CCDC42: variants seen among roughly 807,000 people sequenced by gnomAD.
CCDC42 encodes coiled-coil domain containing 42, also known as coiled-coil domain-containing protein 42.
CCDC42 carries 38 observed loss-of-function variants against 40.8 expected under a neutral mutation model. The observed-to-expected ratio is 0.93, with a 90% CI of 0.72 to 1.22. The LOEUF (loss-of-function observed/expected upper bound fraction) is 1.22, where lower values mean the gene tolerates loss of function less well. CCDC42 is among the 50% of genes most tolerant of loss of function. CCDC42 has a pLI of 0.00. For missense variants in CCDC42, 379 were observed against 416.5 expected (o/e 0.91, Z 0.78); for synonymous variants, 135 against 157.5 (o/e 0.86, Z 1.07).
chr17:8,740,602 T>C (rs1194705904), intron 4 of CCDC42, among the ~76,000 whole-genome samples: 1 of 144,456 alleles, frequency 6.9e-6, no homozygotes, highest in Non-Finnish European at 1.5e-5. Context: ...GAAGGAGAGG[T>C]CAGAGGTAGG....
chr17:8,730,396 G>A (rs112414721), intron 6 of CCDC42, among the ~76,000 whole-genome samples, 189 bp from the exon 7 acceptor site: 12,704 of 152,200 alleles, frequency 0.083, 883 homozygotes, highest in East Asian at 0.18. Context: ...GTGGAGTGCA[G>A]TGGCACGATC....
intron 6 of CCDC42, among the ~76,000 whole-genome samples, chr17:8,730,988 G>T (rs1450703083): frequency 6.6e-6 from 1 of 152,188 alleles, no homozygotes; most frequent in African/African-American, 2.4e-5. Context: ...TGTAAATTCT[G>T]TTCACCGCCT....
chr17:8,744,032 A>C (rs1597347409), intron 2 of CCDC42, 47 bp downstream of exon 2: 1,437 of 1,021,368 alleles, frequency 1.4e-3, no homozygotes, highest in Non-Finnish European at 1.9e-3. Context: ...GCCCCAGCCC[A>C]CCCCCTTCCT....
rs772947979 is a variant in CCDC42 at position 8,744,601 on chromosome 17, C to T, written c.9G>A (p.Leu3=). 2.4e-5 allele frequency: 39 copies of T among 1,611,548 alleles called. No individual in the cohort carries two copies. The highest frequency in any genetic ancestry group is 3.1e-5 in the Non-Finnish European group (37 of 1,179,054). The change falls in exon 1 of 7, where the codon CTG becomes CTA. Residue 3 remains leucine, a synonymous_variant. Coordinates refer to ENST00000293845, the MANE Select transcript of CCDC42 (RefSeq NM_144681.3). ...CCAGGTCTTCCTCTTCCATGATGCCCAGACTCATGGTGGCAGTGACCTCAC... is the reference window on the plus strand; with the variant it reads ...CCAGGTCTTCCTCTTCCATGATGCCTAGACTCATGGTGGCAGTGACCTCAC... MS[L]GIMEEEDLAE...
chr17:8,743,732 T>C lies in CCDC42; in HGVS notation c.190-2A>G. On this transcript the variant is annotated splice_acceptor_variant, in intron 2 of 6. Transcript: ENST00000293845. LOFTEE classifies it high-confidence loss of function. ...GGTTTCCATTCTGCGCTGAAACATC[T>C]TTGGGGTGGGGGTGGGAGAGCAGAG... is the stretch of plus-strand genomic sequence containing the variant. 6.3e-7 allele frequency: 1 copy of C among 1,580,638 alleles called. No homozygotes were observed. Among genetic ancestry groups the C allele is most frequent in the South Asian group, 1.1e-5 (1 of 90,390 alleles).
At position 8,730,170 on chromosome 17, in the gene CCDC42, G is replaced by A. The variant is rs756084361; in HGVS notation, c.911C>T (p.Ala304Val). ...QFIQDRSDIW[A>V]EVKKKEQQRV... ...CTGTTGTTCCTTCTTTTTCACCTCT[G>A]CCCAGATGTCCGACCGGTCTTGGAT... The change falls in exon 7 of 7, where the codon GCA becomes GTA. Residue 304 changes from alanine (A) to valine (V), a missense_variant. Coordinates refer to ENST00000293845, the MANE Select transcript of CCDC42 (RefSeq NM_144681.3). 3.1e-6 allele frequency: 5 copies of A among 1,613,842 alleles called. No individual in the cohort carries two copies. The highest frequency in any genetic ancestry group is 4.2e-6 in the Non-Finnish European group (5 of 1,179,896).
In CCDC42 at chr17:8,743,744, G is replaced by T. The variant is rs773352065; in HGVS notation, c.190-14C>A. The T allele has an allele frequency of 4.7e-6, 7 of 1,478,470 alleles. No homozygotes were observed. The highest frequency in any genetic ancestry group is 2.3e-5 in the South Asian group (2 of 88,336). The allele number at this position is 1,478,470 out of a possible 1,614,324, so 91.6% of individuals were successfully genotyped here. ...GCGCTGAAACATCTTTGGGGTGGGGGTGGGAGAGCAGAGAGGTCAGGAGGG... is the reference window on the plus strand; with the variant it reads ...GCGCTGAAACATCTTTGGGGTGGGGTTGGGAGAGCAGAGAGGTCAGGAGGG... On this transcript the variant is annotated splice_polypyrimidine_tract_variant and intron_variant, in intron 2 of 6. Transcript: ENST00000293845.
chr17:8,744,019 A>T (rs7218546), intron 2 of CCDC42, 60 bp downstream of exon 2: 1 of 1,070,636 alleles, frequency 9.3e-7, no homozygotes, highest in Non-Finnish European at 1.4e-6. Flanking sequence ...AGGCTCTCCC[A>T]GAGCCCCAGC....
At chr17:8,744,433 G>A (rs371878874) in intron 1 of CCDC42, 94 bp downstream of exon 1, 1 of 1,051,514 alleles carries the variant, frequency 9.5e-7, no homozygotes, top group Non-Finnish European at 1.5e-6. Flanking sequence ...GGTTACAGGA[G>A]AGGAGGGGAC....
At chr17:8,743,578 C>T (rs763337220) in intron 3 of CCDC42, 48 bp downstream of exon 3, 27 of 1,094,304 alleles carry the variant, frequency 2.5e-5, no homozygotes, top group South Asian at 1.6e-4. Context: ...TGCCCACCTG[C>T]GGACTATGGA....
intron 4 of CCDC42, among the ~76,000 whole-genome samples, chr17:8,736,972 GAAGA>G (rs775474201): frequency 1.2e-4 from 15 of 130,174 alleles, no homozygotes; most frequent in Non-Finnish European, 1.7e-4. Flanking sequence ...AGAAGAAGAA[GAAGA>G]AAGAGAGAGA....
intron 4 of CCDC42, among the ~76,000 whole-genome samples, chr17:8,739,303 C>G (rs1383143218): frequency 6.6e-6 from 1 of 152,150 alleles, no homozygotes; most frequent in Non-Finnish European, 1.5e-5. Context: ...GAGGGAGGAG[C>G]CAAGGAGGCC....
chr17:8,743,777 C>G (rs775821271), intron 2 of CCDC42, 47 bp from the exon 3 acceptor site: 2 of 1,126,306 alleles, frequency 1.8e-6, no homozygotes, highest in African/African-American at 3.1e-5. Flanking sequence ...GGGCTCCTGA[C>G]ATGAGTACCA....
chr17:8,744,452 G>T, intron 1 of CCDC42, 75 bp downstream of exon 1: 2 of 1,224,342 alleles, frequency 1.6e-6, no homozygotes, highest in Non-Finnish European at 2.4e-6. Flanking sequence ...ACAGACGGTT[G>T]GAAGATGAGG....
Position 8,735,258 on chromosome 17 carries a change from G to A in CCDC42, c.715-4C>T. ...GGATGTGCGCCCAGCGAGATTCCTGGAGAGTGGATAAGGACGGGGCATGAG... is the reference window on the plus strand; with the variant it reads ...GGATGTGCGCCCAGCGAGATTCCTGAAGAGTGGATAAGGACGGGGCATGAG... On this transcript the variant is annotated splice_polypyrimidine_tract_variant and splice_region_variant and intron_variant, in intron 5 of 6. Coordinates refer to ENST00000293845, the MANE Select transcript of CCDC42 (RefSeq NM_144681.3). The surrounding 1 kb of genome is among the most constrained non-coding windows in gnomAD (Gnocchi z 4.7). 6.2e-7 allele frequency: 1 copy of A among 1,614,168 alleles called. No homozygotes were observed. Among genetic ancestry groups the A allele is most frequent in the South Asian group, 1.1e-5 (1 of 91,082 alleles).
At chr17:8,739,901 C>CG (rs1312990452) in intron 4 of CCDC42, among the ~76,000 whole-genome samples, 2 of 152,040 alleles carry the variant, frequency 1.3e-5, no homozygotes, top group Non-Finnish European at 2.9e-5. Context: ...TCCTGCCCCC[C>CG]CAACAAACCC....
chr17:8,743,963 A>ACT lies in CCDC42; in HGVS notation c.189+114_189+115dup, dbSNP rs556339479. 9.6e-4 allele frequency: 734 copies of ACT among 760,788 alleles called. 3 individuals carry two copies. The African/African-American group carries it at 0.012, about 12-fold the overall frequency. The allele number at this position is 760,788 out of a possible 1,614,324, so 47.1% of individuals were successfully genotyped here. ...CAAAGAGACCAGATCACCATAGAGG[A>ACT]CTCCTGGCTCTAGCCACCCCACTCA... On this transcript the variant is annotated intron_variant, in intron 2 of 6. Coordinates refer to ENST00000293845, the MANE Select transcript of CCDC42 (RefSeq NM_144681.3).
chr17:8,731,600 G>A (rs191906482), intron 6 of CCDC42, among the ~76,000 whole-genome samples: 1 of 152,332 alleles, frequency 6.6e-6, no homozygotes, highest in East Asian at 1.9e-4. Flanking sequence ...GTCCTTTGCA[G>A]GCACATGGAT....
rs374455661 is a variant in CCDC42, at chr17:8,741,665, C to T, written c.301G>A (p.Asp101Asn). The T allele has an allele frequency of 2.9e-5, 46 of 1,612,174 alleles. No homozygotes were observed. The highest frequency in any genetic ancestry group is 9.4e-5 in the African/African-American group (7 of 74,824). The change falls in exon 4 of 7, where the codon GAC (aspartate) becomes AAC (asparagine). Residue 101 changes from aspartate (D) to asparagine (N), a missense_variant. Coordinates refer to ENST00000293845, the MANE Select transcript of CCDC42 (RefSeq NM_144681.3). ...TTCATGGCGCGGATCCGTTTCTGGT[C>T]GTTCTCCTGGGGCCCGGGGAGGTGG... ...QKSEQFIQENDQKRIRAMKKA... is the reference protein window; with the variant it reads ...QKSEQFIQENNQKRIRAMKKA...
Sources: gnomAD v4.1 joint callset for allele counts (sites outside exome capture counted in the v4.1 genomes callset) on GRCh38, gnomAD v4.1.1 for gene constraint, Gnocchi (gnomAD v3.1) non-coding constraint, MANE v1.5 for transcripts, NCBI Gene and HGNC (gene_info 2026-07-23, HGNC 2026-07-21) for gene names.